The following PITPNB variants were observed in gnomAD, a reference collection of about 807,000 sequenced individuals.
The protein encoded by PITPNB is phosphatidylinositol transfer protein beta.
Under a neutral mutation model 45.9 loss-of-function variants are expected in PITPNB, and 16 were observed. That is an observed-to-expected ratio of 0.35 (90% confidence interval 0.24 to 0.53). The LOEUF is 0.53. PITPNB is among the 20% of genes least tolerant of loss of function. The pLI is 0.93. For missense variants in PITPNB, 188 were observed against 330.5 expected (o/e 0.57, Z 3.34); for synonymous variants, 112 against 108.9 (o/e 1.03, Z -0.18).
At chr22:27,862,318 C>T (rs1435257207) in intron 8 of PITPNB, among the ~76,000 whole-genome samples, 1 of 152,064 alleles carries the variant, frequency 6.6e-6, no homozygotes, top group Non-Finnish European at 1.5e-5. Flanking sequence ...CTACCATGGC[C>T]CAGTTTTAAG....
chr22:27,885,566 G>C (rs576278958), intron 7 of PITPNB, among the ~76,000 whole-genome samples: 1 of 152,234 alleles, frequency 6.6e-6, no homozygotes, highest in Admixed American at 6.5e-5. Context: ...CTGGAGTACA[G>C]TGGCATGATC....
At chr22:27,866,917 G>A (rs1288843262) in intron 8 of PITPNB, among the ~76,000 whole-genome samples, 5 of 152,090 alleles carry the variant, frequency 3.3e-5, no homozygotes, top group African/African-American at 7.2e-5. Flanking sequence ...ACAAGATTAC[G>A]AAATATATGT....
chr22:27,853,492 TAC>T lies in PITPNB; in HGVS notation c.*208_*209del. ...GCTCTACATGCGCTTTATATACAGC[TAC>T]AGACATATGCACACATACATATATA... On this transcript the variant is annotated 3_prime_UTR_variant, in exon 12 of 12. Coordinates refer to ENST00000335272, the MANE Select transcript of PITPNB (RefSeq NM_012399.5). 1 of 753,198 alleles carries T rather than the reference TAC, an allele frequency of 1.3e-6. No homozygotes were observed. The highest frequency in any genetic ancestry group is 2.3e-6 in the Non-Finnish European group (1 of 431,366). The allele number at this position is 753,198 out of a possible 1,614,324, so 46.7% of individuals were successfully genotyped here. A position where few individuals can be genotyped will look rare whatever the true frequency, so the allele number is the denominator to read the frequency against.
At chr22:27,868,860 C>T (rs1264672113) in intron 8 of PITPNB, among the ~76,000 whole-genome samples, 9 of 152,080 alleles carry the variant, frequency 5.9e-5, no homozygotes, top group Non-Finnish European at 1.0e-4. Context: ...TTACAAAGAC[C>T]TTTAGAGGCC....
intron 3 of PITPNB, among the ~76,000 whole-genome samples, chr22:27,899,481 C>G (rs1168810217): frequency 1.3e-5 from 2 of 152,082 alleles, no homozygotes; most frequent in African/African-American, 2.4e-5. Flanking sequence ...CGCCACTAGG[C>G]CCGGCTAATT....
At chr22:27,859,173 G>A (rs903166582) in intron 9 of PITPNB, among the ~76,000 whole-genome samples, 3 of 152,174 alleles carry the variant, frequency 2.0e-5, no homozygotes, top group African/African-American at 7.2e-5. Context: ...TCCATGAATA[G>A]AAAGGACTTT....
intron 7 of PITPNB, 91 bp from the exon 8 acceptor site, chr22:27,873,906 C>T: frequency 1.2e-6 from 1 of 808,572 alleles, no homozygotes; most frequent in Non-Finnish European, 2.2e-6. Context: ...TACCAAAACA[C>T]AGGACAGAAA....
chr22:27,873,160 G>A (rs977619974), intron 8 of PITPNB, among the ~76,000 whole-genome samples: 5 of 152,264 alleles, frequency 3.3e-5, no homozygotes, highest in Middle Eastern at 3.4e-3. Flanking sequence ...CCAGTTACCC[G>A]GGAGGCTGAG....
chr22:27,907,017 T>C (rs1935782611), intron 3 of PITPNB, among the ~76,000 whole-genome samples: 1 of 152,210 alleles, frequency 6.6e-6, no homozygotes, highest in Admixed American at 6.5e-5. Context: ...ATCTCAGAAT[T>C]TCAAGTATCT....
In PITPNB at chr22:27,897,033, C is replaced by T. The variant is rs546693797; in HGVS notation, c.297+97G>A. Reference sequence around the variant, plus strand: ...TGGGACACAGGAAGGAACCATGCAGCGAGGTGCAGTTAGCAAAGAATGGTT... The same window carrying T: ...TGGGACACAGGAAGGAACCATGCAGTGAGGTGCAGTTAGCAAAGAATGGTT... On this transcript the variant is annotated intron_variant, in intron 5 of 11. Coordinates refer to ENST00000335272, the MANE Select transcript of PITPNB (RefSeq NM_012399.5). 3.8e-5 allele frequency: 33 copies of T among 859,580 alleles called. No homozygotes were observed. The South Asian group carries it at 3.9e-4, about 10-fold the overall frequency. 53.2% of individuals were successfully genotyped at this position (859,580 alleles called of 1,614,324 possible).
chr22:27,919,072 A>G, intron 1 of PITPNB, 100 bp downstream of exon 1: 2 of 1,587,604 alleles, frequency 1.3e-6, no homozygotes, highest in Non-Finnish European at 1.7e-6. Flanking sequence ...GGGCTGACAC[A>G]GGGCTGACTC....
At chr22:27,872,758 G>A (rs1259391420) in intron 8 of PITPNB, among the ~76,000 whole-genome samples, 1 of 152,190 alleles carries the variant, frequency 6.6e-6, no homozygotes. Flanking sequence ...GACCCTGGGA[G>A]TGGAAAATCT....
intron 3 of PITPNB, among the ~76,000 whole-genome samples, chr22:27,898,742 G>A (rs570441262): frequency 4.5e-4 from 69 of 152,136 alleles, no homozygotes; most frequent in Non-Finnish European, 8.2e-4. Context: ...GTCACTTGCT[G>A]CCTTAAGTAT....
chr22:27,917,901 G>A (rs985287855), intron 1 of PITPNB, among the ~76,000 whole-genome samples: 26 of 152,198 alleles, frequency 1.7e-4, no homozygotes, highest in African/African-American at 6.0e-4. Flanking sequence ...TAGGTCTTCA[G>A]AAAGGGATTC....
At position 27,919,214 on chromosome 22, in the gene PITPNB, T is replaced by TGCCGCCGATACCACCGCCGCC. The variant is rs1555893373; in HGVS notation, c.-44_-24dup. 2.9e-5 allele frequency: 46 copies of TGCCGCCGATACCACCGCCGCC among 1,603,320 alleles called. No homozygotes were observed. Among genetic ancestry groups the TGCCGCCGATACCACCGCCGCC allele is most frequent in the Admixed American group, 8.3e-5 (5 of 59,980 alleles). On this transcript the variant is annotated 5_prime_UTR_variant, in exon 1 of 12. Transcript: ENST00000335272. Reference sequence around the variant, plus strand: ...CATCTTCCCGGAACCCCCTCACAGCTGCCGCCGATACCACCGCCGCCGCCG... The same window carrying TGCCGCCGATACCACCGCCGCC: ...CATCTTCCCGGAACCCCCTCACAGCTGCCGCCGATACCACCGCCGCCGCCGCCGATACCACCGCCGCCGCCG...
chr22:27,851,767 A>C lies in PITPNB; in HGVS notation c.*1935T>G, dbSNP rs1423189693. The C allele has an allele frequency of 6.6e-6, 1 of 152,228 alleles. No homozygotes were observed. The highest frequency in any genetic ancestry group is 6.5e-5 in the Admixed American group (1 of 15,286). The allele number at this position is 152,228 out of a possible 1,614,324, so 9.4% of individuals were successfully genotyped here. The stretch of plus-strand genomic sequence containing the variant: ...CTGGCAAGTAAACTAGGTATTTTAC[A>C]TTCACCACACATTCCCTCAAATCTC... On this transcript the variant is annotated 3_prime_UTR_variant, in exon 12 of 12. Coordinates refer to ENST00000335272, the MANE Select transcript of PITPNB (RefSeq NM_012399.5).
Position 27,895,437 on chromosome 22 carries a change from A to G in PITPNB, c.373-799T>C, listed in dbSNP as rs530896083. Among the ~76,000 whole-genome samples the G allele has an allele frequency of 2.0e-5, 3 of 152,176 alleles. No homozygotes were observed. In the East Asian group the frequency reaches 5.8e-4, roughly 29 times the overall value. On this transcript the variant is annotated intron_variant, in intron 6 of 11. Transcript: ENST00000335272. ...AAACTCCATCTCTACTGAAAATACAAAAGTTAGCCAGGCATGGTGGTGCAT... is the reference window on the plus strand; with the variant it reads ...AAACTCCATCTCTACTGAAAATACAGAAGTTAGCCAGGCATGGTGGTGCAT...
rs1601376528 is a variant in PITPNB at position 27,860,182 on chromosome 22, G to C, written c.594C>G (p.Ile198Met). Residue 198 changes from isoleucine (I) to methionine (M), a missense_variant, in exon 9 of 12, where the codon ATC becomes ATG. Coordinates refer to ENST00000335272, the MANE Select transcript of PITPNB (RefSeq NM_012399.5). ...PQMCAYKLVT[I>M]KFKWWGLQSK... ...TTTGCAGTCCCCACCACTTGAATTT[G>C]ATGGTCACCAGCTTATAGGCACACA... 1 of 1,613,896 alleles carries C rather than the reference G, an allele frequency of 6.2e-7. No homozygotes were observed. The highest frequency in any genetic ancestry group is 1.7e-5 in the Admixed American group (1 of 60,018).
chr22:27,853,505 A>T lies in PITPNB; in HGVS notation c.*197T>A, dbSNP rs1409977240. ...TTTATATACAGCTACAGACATATGC[A>T]CACATACATATATACACACGTGGTT... On this transcript the variant is annotated 3_prime_UTR_variant, in exon 12 of 12. Transcript: ENST00000335272. 1.2e-6 allele frequency: 1 copy of T among 821,234 alleles called. No individual in the cohort carries two copies. Among genetic ancestry groups the T allele is most frequent in the African/African-American group, 1.7e-5 (1 of 59,220 alleles). The allele number at this position is 821,234 out of a possible 1,614,324, so 50.9% of individuals were successfully genotyped here.
Sources: allele counts gnomAD v4.1 joint callset (sites outside exome capture counted in the v4.1 genomes callset), GRCh38; gene constraint gnomAD v4.1.1; transcripts MANE v1.5; gene names NCBI Gene and HGNC (gene_info 2026-07-23, HGNC 2026-07-21).